The following BCAR3 variants were observed in gnomAD, a reference collection of about 807,000 sequenced individuals.
BCAR3 encodes BCAR3 adaptor protein, NSP family member, also known as breast cancer anti-estrogen resistance protein 3.
A neutral mutation model predicts 80.1 loss-of-function variants in BCAR3; 37 were observed. The ratio of observed to expected loss-of-function variants is 0.46; its 90% CI spans 0.36 to 0.61. The LOEUF is 0.61. BCAR3 is among the 20% of genes least tolerant of loss of function. The pLI is 0.00. For synonymous variants in BCAR3, 389 were observed against 418.9 expected, an observed-to-expected ratio of 0.93 and a Z score of 0.87; for missense variants, 978 against 1,068.2, an observed-to-expected ratio of 0.92 and a Z score of 1.18.
At chr1:93,686,725 C>T (rs1469768352), upstream of BCAR3, among the ~76,000 whole-genome samples, 1 of 152,178 alleles carries the variant, frequency 6.6e-6, no homozygotes, top group Non-Finnish European at 1.5e-5. Flanking sequence ...GGCTTGGCAA[C>T]AGATGTCAAA....
At chr1:93,763,084 G>GT (rs945962982) in intron 2 of BCAR3, among the ~76,000 whole-genome samples, 1 of 152,076 alleles carries the variant, frequency 6.6e-6, no homozygotes, top group African/African-American at 2.4e-5. Flanking sequence ...ATTTTGTTTT[G>GT]TTTTTTGAGA....
chr1:93,819,398 T>C (rs1440069121), intron 2 of BCAR3, among the ~76,000 whole-genome samples: 2 of 152,206 alleles, frequency 1.3e-5, no homozygotes, highest in Non-Finnish European at 2.9e-5. Flanking sequence ...TGCTAACCAA[T>C]TGATACTTCG....
intron 3 of BCAR3, among the ~76,000 whole-genome samples, chr1:93,688,304 A>G (rs981774426): frequency 6.6e-6 from 1 of 152,250 alleles, no homozygotes; most frequent in African/African-American, 2.4e-5. Context: ...TTTTCTATGC[A>G]AAGTACACCT....
intron 2 of BCAR3, among the ~76,000 whole-genome samples, chr1:93,795,382 C>T (rs1364079690): frequency 9.7e-6 from 1 of 102,952 alleles, no homozygotes; most frequent in Non-Finnish European, 1.8e-5. Context: ...TCTAAACTTC[C>T]CTTCTCGCTT....
intron 3 of BCAR3, among the ~76,000 whole-genome samples, chr1:93,619,810 CACCTGCTTG>C (rs1675255995): frequency 6.6e-6 from 1 of 152,226 alleles, no homozygotes; most frequent in African/African-American, 2.4e-5. Flanking sequence ...GTGAGACAGA[CACCTGCTTG>C]TCTTCAAAAT....
At chr1:93,583,862 GC>G (rs930006000) in intron 6 of BCAR3, among the ~76,000 whole-genome samples, 155 bp downstream of exon 6, 6 of 152,222 alleles carry the variant, frequency 3.9e-5, no homozygotes, top group Admixed American at 6.5e-5. Context: ...TCAGTGCTTC[GC>G]CGCCGGATAT....
At chr1:93,844,576 T>C (rs2100855542) in intron 2 of BCAR3, among the ~76,000 whole-genome samples, 1 of 152,298 alleles carries the variant, frequency 6.6e-6, no homozygotes, top group Middle Eastern at 3.4e-3. Context: ...ACTGAATCTT[T>C]CTCCCCAGAT....
chr1:93,731,341 G>A (rs923412440), intron 2 of BCAR3, among the ~76,000 whole-genome samples: 1 of 152,210 alleles, frequency 6.6e-6, no homozygotes, highest in Non-Finnish European at 1.5e-5. Context: ...AATATAACAG[G>A]TTAACAACAG....
chr1:93,724,173 G>A (rs940661632), intron 2 of BCAR3, among the ~76,000 whole-genome samples: 1 of 152,202 alleles, frequency 6.6e-6, no homozygotes, highest in African/African-American at 2.4e-5. Context: ...AGCCACAGAG[G>A]GGAGCCCCAC....
At chr1:93,841,128 G>T (rs192602435) in intron 2 of BCAR3, among the ~76,000 whole-genome samples, 11 of 152,310 alleles carry the variant, frequency 7.2e-5, no homozygotes, top group African/African-American at 2.6e-4. Flanking sequence ...ATTCTCGGAG[G>T]AGGTGACATG....
intron 3 of BCAR3, among the ~76,000 whole-genome samples, chr1:93,594,009 A>G (rs932445114): frequency 6.6e-6 from 1 of 152,174 alleles, no homozygotes; most frequent in Admixed American, 6.5e-5. Flanking sequence ...GTGATGTTTG[A>G]CACCGTCCGC....
chr1:93,567,316 T>G lies in BCAR3; in HGVS notation c.2262A>C (p.Ala754=). 2 of 1,614,210 alleles carry G rather than the reference T, an allele frequency of 1.2e-6. No individual in the cohort carries two copies. Among genetic ancestry groups the G allele is most frequent in the South Asian group, 2.2e-5 (2 of 91,088 alleles). The part of the protein sequence containing the change: ...LATARFMAEA[A]DSYRMNAERI... ...TCTCAGCATTCATCCGGTAGCTGTCTGCAGCCTCGGCCATGAATCGCGCTG... is the reference window on the plus strand; with the variant it reads ...TCTCAGCATTCATCCGGTAGCTGTCGGCAGCCTCGGCCATGAATCGCGCTG... The change falls in exon 11 of 12, where the codon GCA becomes GCC. Residue 754 remains alanine, a synonymous_variant. Transcript: ENST00000260502.
intron 3 of BCAR3, among the ~76,000 whole-genome samples, chr1:93,604,739 G>C (rs1674724735): frequency 6.6e-6 from 1 of 152,200 alleles, no homozygotes; most frequent in Admixed American, 6.5e-5. Context: ...CCAAGGGACT[G>C]AAAATTATTT....
chr1:93,777,381 T>TTCTTCC (rs1652595486), intron 2 of BCAR3, among the ~76,000 whole-genome samples: 1 of 142,290 alleles, frequency 7.0e-6, no homozygotes, highest in Non-Finnish European at 1.5e-5. Context: ...CTTCCTCCTC[T>TTCTTCC]TCTTCTTCCT....
rs567587539 is a variant in BCAR3, at chr1:93,722,359, C to A, written c.-62-16217G>T. Among the ~76,000 whole-genome samples the A allele has an allele frequency of 5.6e-4, 85 of 152,340 alleles. No individual in the cohort carries two copies. The Middle Eastern group carries it at 0.017, about 30-fold the overall frequency. On this transcript the variant is annotated intron_variant, in intron 2 of 13. Coordinates refer to the BCAR3 transcript ENST00000370244. ...ATAAAACTGAGATTAACCCAGAATT[C>A]TTGGCAGTCAAACAATACCATAATT...
At chr1:93,581,618 G>A (rs936690027) in intron 7 of BCAR3, among the ~76,000 whole-genome samples, 1 of 152,054 alleles carries the variant, frequency 6.6e-6, no homozygotes, top group Non-Finnish European at 1.5e-5. Context: ...CCATGCCTCA[G>A]GCTGGTCTTG....
intron 3 of BCAR3, among the ~76,000 whole-genome samples, chr1:93,637,400 C>T (rs1360839113): frequency 6.6e-6 from 1 of 152,070 alleles, no homozygotes; most frequent in Non-Finnish European, 1.5e-5. Flanking sequence ...GGCGATCCAC[C>T]CACCTCGGGC....
chr1:93,617,676 G>A (rs531887647), intron 3 of BCAR3, among the ~76,000 whole-genome samples: 27 of 152,310 alleles, frequency 1.8e-4, no homozygotes, highest in African/African-American at 6.0e-4. Flanking sequence ...CTAAACCCAG[G>A]TGATCTGGCT....
chr1:93,810,189 T>G (rs1207931272), intron 2 of BCAR3, among the ~76,000 whole-genome samples: 1 of 103,498 alleles, frequency 9.7e-6, no homozygotes, highest in Non-Finnish European at 1.7e-5. Flanking sequence ...CAAGACTCCA[T>G]CTCAAAAAAA....
Sources: gnomAD v4.1 joint callset for allele counts (sites outside exome capture counted in the v4.1 genomes callset) on GRCh38, gnomAD v4.1.1 for gene constraint, MANE v1.5 for transcripts, NCBI Gene and HGNC (gene_info 2026-07-23, HGNC 2026-07-21) for gene names.